Variants in MPC1 observed in about 807,000 individuals in gnomAD.
MPC1 encodes the protein mitochondrial pyruvate carrier 1.
A neutral mutation model predicts 13.9 loss-of-function variants in MPC1; 6 were observed. The observed-to-expected ratio is 0.43, with a 90% CI of 0.24 to 0.85. The LOEUF (loss-of-function observed/expected upper bound fraction) is 0.85, where lower values mean the gene tolerates loss of function less well. MPC1 is among the 40% of genes least tolerant of loss of function. The pLI, the probability that MPC1 is intolerant of heterozygous loss-of-function variation, is 0.24. For synonymous variants in MPC1, 47 were observed against 50.5 expected, an observed-to-expected ratio of 0.93 and a Z score of 0.29; for missense variants, 115 against 143.3, an observed-to-expected ratio of 0.80 and a Z score of 1.01.
intron 1 of MPC1, among the ~76,000 whole-genome samples, chr6:166,374,283 G>A (rs912961249): frequency 1.3e-5 from 2 of 152,184 alleles, no homozygotes; most frequent in African/African-American, 2.4e-5. Context: ...GTGAGCCACC[G>A]CGCCTGGCCT....
chr6:166,382,790 C>A lies in MPC1; in HGVS notation c.71+16G>T. 1 of 1,578,758 alleles carries A rather than the reference C, an allele frequency of 6.3e-7. No individual in the cohort carries two copies. Among genetic ancestry groups the A allele is most frequent in the East Asian group, 2.4e-5 (1 of 41,466 alleles). On this transcript the variant is annotated intron_variant, in intron 1 of 4. Coordinates refer to ENST00000360961, the MANE Select transcript of MPC1 (RefSeq NM_016098.4). ...GCCCCTCCGGGTTGCGGGGTTCGGC[C>A]TGCGGCGCTCGTCACCTCATGAGGT...
chr6:166,371,979 T>C (rs1157388322), intron 1 of MPC1, among the ~76,000 whole-genome samples: 2 of 152,196 alleles, frequency 1.3e-5, no homozygotes, highest in Non-Finnish European at 2.9e-5. Context: ...GGTACTACTA[T>C]GTGCTTCAGA....
chr6:166,372,754 A>AG (rs397715964), intron 1 of MPC1, among the ~76,000 whole-genome samples: 21 of 151,610 alleles, frequency 1.4e-4, no homozygotes, highest in Admixed American at 2.6e-4. Flanking sequence ...CAAAAAAAAA[A>AG]GGGGAGATAA....
chr6:166,365,978 G>A lies in MPC1; in HGVS notation c.301C>T (p.His101Tyr), dbSNP rs200694745. Residue 101 changes from histidine (H) to tyrosine (Y), a missense_variant, in exon 4 of 5, where the codon CAC becomes TAC. His to Tyr is a moderately conservative substitution (Grantham distance 83, BLOSUM62 2). This residue lies in a region of MPC1 where 71 missense variants were observed against 88.5 expected (regional missense o/e 0.80). Transcript: ENST00000360961. This position sits in a 1 kb window ranked among gnomAD's most constrained non-coding sequence, Gnocchi z 4.2. ...ACTAAATTGAAATCTGCTTACTCGTGTTTGATAAGCCGCCCTCCCTGGATG... is the reference window on the plus strand; with the variant it reads ...ACTAAATTGAAATCTGCTTACTCGTATTTGATAAGCCGCCCTCCCTGGATG... ...QLIQGGRLIKHEMTKTASA is the reference protein window; with the variant it reads ...QLIQGGRLIKYEMTKTASA 152 of 1,612,152 alleles carry A rather than the reference G, an allele frequency of 9.4e-5. 1 individual carries two copies. In the South Asian group the frequency reaches 1.6e-3, roughly 17 times the overall value.
chr6:166,370,265 G>C (rs2114954397), intron 1 of MPC1, 44 bp from the exon 2 acceptor site: 1 of 716,554 alleles, frequency 1.4e-6, no homozygotes, highest in East Asian at 2.5e-5. Flanking sequence ...GACAGACATG[G>C]AAAAAAAAGA....
rs115790495 is a variant in MPC1, at chr6:166,379,340, A to G, written c.71+3466T>C. On this transcript the variant is annotated intron_variant, in intron 1 of 4. Coordinates refer to ENST00000360961, the MANE Select transcript of MPC1 (RefSeq NM_016098.4). ...AAGGTCCCATCTCTAAGAAAAAACAAAAAACTAGCCAGGTATGATTGTGCA... is the reference window on the plus strand; with the variant it reads ...AAGGTCCCATCTCTAAGAAAAAACAGAAAACTAGCCAGGTATGATTGTGCA... Among the ~76,000 whole-genome samples, 569 of 149,524 alleles carry G rather than the reference A, an allele frequency of 3.8e-3. 4 individuals are homozygous for G. Among genetic ancestry groups the G allele is most frequent in the African/African-American group, 0.013 (548 of 41,310 alleles).
At chr6:166,382,461 G>A (rs1779831760) in intron 1 of MPC1, among the ~76,000 whole-genome samples, 1 of 146,498 alleles carries the variant, frequency 6.8e-6, no homozygotes, top group Non-Finnish European at 1.5e-5. Flanking sequence ...TCACCCTGCC[G>A]GGAGAGGACA....
rs755478526 is a variant in MPC1, at chr6:166,370,137, G to A, written c.75+81C>T. 6 of 780,144 alleles carry A rather than the reference G, an allele frequency of 7.7e-6. No individual in the cohort carries two copies. In the Admixed American group the frequency reaches 1.0e-4, roughly 13 times the overall value. 48.3% of individuals were successfully genotyped at this position (780,144 alleles called of 1,614,324 possible). On this transcript the variant is annotated intron_variant, in intron 2 of 4. Transcript: ENST00000360961. ...GGCTAGAAAGGCTCTCATATGCAAA[G>A]GATGCTAAGCCTGTTACCCCTAACT...
chr6:166,377,353 C>G (rs1273388834), intron 1 of MPC1, among the ~76,000 whole-genome samples: 1 of 152,104 alleles, frequency 6.6e-6, no homozygotes. Context: ...CCTTGTAGGG[C>G]TGCTGGGTCA....
rs1175434820 is a variant in MPC1, at chr6:166,380,939, CAAAAAAAAAAAAAA to C, written c.71+1853_71+1866del. Among the ~76,000 whole-genome samples, 5 of 47,734 alleles carry C rather than the reference CAAAAAAAAAAAAAA, an allele frequency of 1.0e-4. No homozygotes were observed. In the South Asian group the frequency reaches 4.6e-3, roughly 44 times the overall value. 31.3% of individuals were successfully genotyped at this position (47,734 alleles called of 152,430 possible). ...GGGCAACAAGAGACAAACTCTGTCT[CAAAAAAAAAAAAAA>C]AAAAAAAAAAAGAAAAGAAAACGGT... On this transcript the variant is annotated intron_variant, in intron 1 of 4. Coordinates refer to ENST00000360961, the MANE Select transcript of MPC1 (RefSeq NM_016098.4).
At chr6:166,375,687 C>A (rs1409183642) in intron 1 of MPC1, among the ~76,000 whole-genome samples, 1 of 152,202 alleles carries the variant, frequency 6.6e-6, no homozygotes. Context: ...GCTGTTTAAT[C>A]TCCAAGTATC....
At chr6:166,367,349 TG>T (rs1331926857) in intron 2 of MPC1, among the ~76,000 whole-genome samples, 2 of 152,252 alleles carry the variant, frequency 1.3e-5, no homozygotes, top group African/African-American at 4.8e-5. Context: ...ATTCTTAAAA[TG>T]CAGACCCTAA....
chr6:166,378,417 C>CGTGTGTGT (rs1562461415), intron 1 of MPC1, among the ~76,000 whole-genome samples: 1 of 86,322 alleles, frequency 1.2e-5, no homozygotes, highest in African/African-American at 5.6e-5. Flanking sequence ...TATACAAATA[C>CGTGTGTGT]ATGTGTGTGT....
At chr6:166,369,652 C>A (rs1362558519) in intron 2 of MPC1, among the ~76,000 whole-genome samples, 1 of 152,106 alleles carries the variant, frequency 6.6e-6, no homozygotes, top group Non-Finnish European at 1.5e-5. Flanking sequence ...TCTCTCTTCC[C>A]TTTTTTAGAA....
chr6:166,374,943 T>A (rs1240349976), intron 1 of MPC1, among the ~76,000 whole-genome samples: 4 of 152,214 alleles, frequency 2.6e-5, no homozygotes, highest in Non-Finnish European at 5.9e-5. Context: ...GCCGTCTCCA[T>A]TTAAACTCCA....
chr6:166,376,171 T>C (rs1779563860), intron 1 of MPC1, among the ~76,000 whole-genome samples: 1 of 151,236 alleles, frequency 6.6e-6, no homozygotes, highest in South Asian at 2.1e-4. Context: ...TGTGTGTGTG[T>C]GTGTGTGTAT....
rs544637050 is a variant in MPC1, at chr6:166,367,352, A to C, written c.76-461T>G. On this transcript the variant is annotated intron_variant, in intron 2 of 4. Transcript: ENST00000360961. The stretch of plus-strand genomic sequence containing the variant: ...TATTTGTTAATAATTCTTAAAATGC[A>C]GACCCTAAATTGGGTACTTTTCTGA... Among the ~76,000 whole-genome samples the C allele has an allele frequency of 3.6e-4, 55 of 152,370 alleles. 1 individual carries two copies. The highest frequency in any genetic ancestry group is 1.0e-3 in the Admixed American group (16 of 15,306).
In MPC1 at chr6:166,365,918, T is replaced by C; in HGVS notation, c.305+56A>G. The C allele has an allele frequency of 1.3e-6, 2 of 1,589,604 alleles. No individual in the cohort carries two copies. Among genetic ancestry groups the C allele is most frequent in the Non-Finnish European group, 1.7e-6 (2 of 1,164,314 alleles). On this transcript the variant is annotated intron_variant, in intron 4 of 4. Transcript: ENST00000360961. This position sits in a 1 kb window ranked among gnomAD's most constrained non-coding sequence, Gnocchi z 4.2. ...CCCTCAGAAAAGATTTTAGTTTCACTCTCCCCAATTCCTCAAATTCCTGAA... is the reference window on the plus strand; with the variant it reads ...CCCTCAGAAAAGATTTTAGTTTCACCCTCCCCAATTCCTCAAATTCCTGAA...
chr6:166,373,417 A>G (rs530625153), intron 1 of MPC1, among the ~76,000 whole-genome samples: 24 of 152,352 alleles, frequency 1.6e-4, no homozygotes, highest in Admixed American at 1.4e-3. Context: ...TCATGCAGTA[A>G]TATGAATTTA....
Sources: allele counts gnomAD v4.1 joint callset (sites outside exome capture counted in the v4.1 genomes callset), GRCh38; gene constraint gnomAD v4.1.1; regional missense constraint gnomAD v4.1.1; non-coding constraint Gnocchi (gnomAD v3.1); transcripts MANE v1.5; gene names NCBI Gene and HGNC (gene_info 2026-07-23, HGNC 2026-07-21).